The following PCDHGA12 variants were observed in gnomAD, a reference collection of about 807,000 sequenced individuals.
PCDHGA12 encodes the protein protocadherin gamma-A12.
PCDHGA12 carries 43 observed loss-of-function variants against 61.1 expected under a neutral mutation model. The observed-to-expected ratio is 0.70, with a 90% confidence interval of 0.55 to 0.91. The LOEUF (loss-of-function observed/expected upper bound fraction) is 0.91, where lower values mean the gene tolerates loss of function less well. Among genes scored for constraint, PCDHGA12 ranks in the 40% least tolerant of loss-of-function variants. The pLI, the probability that PCDHGA12 is intolerant of heterozygous loss-of-function variation, is 0.00. For synonymous variants in PCDHGA12, 520 were observed against 542.9 expected (o/e 0.96, Z 0.59); for missense variants, 1,236 against 1,227.7 (o/e 1.01, Z -0.10).
Position 141,491,307 on chromosome 5 carries a change from C to CCTTA in PCDHGA12, c.2425-3498_2425-3495dup. On this transcript the variant is annotated intron_variant, in intron 1 of 3. Transcript: ENST00000252085. The surrounding 1 kb of genome is among the most constrained non-coding windows in gnomAD (Gnocchi z 6.9). ...TCATACACCCTCCTGAGCGTTCAGA[C>CCTTA]CTTACCCTTTACCTCATTGTGGCTC... 1 of 1,614,152 alleles carries CCTTA rather than the reference C, an allele frequency of 6.2e-7. No individual in the cohort carries two copies. Among genetic ancestry groups the CCTTA allele is most frequent in the Non-Finnish European group, 8.5e-7 (1 of 1,179,986 alleles).
Position 141,505,473 on chromosome 5 carries a change from C to T in PCDHGA12, c.2564C>T (p.Ser855Phe). The change falls in exon 3 of 4, where the codon TCC (serine) becomes TTC (phenylalanine). Residue 855 changes from serine to phenylalanine, a missense_variant. Transcript: ENST00000252085. Reference sequence around the variant, plus strand: ...ATGCTGCAAGCCATGATCTTGGCGTCCGCCAGTGGTAAGTGGTGTCAGTGT... The same window carrying T: ...ATGCTGCAAGCCATGATCTTGGCGTTCGCCAGTGGTAAGTGGTGTCAGTGT... ...TEMLQAMILA[S>F]ASEAADGSST... is the part of the protein sequence containing the mutation. The T allele has an allele frequency of 6.2e-7, 1 of 1,614,188 alleles. No homozygotes were observed. Among genetic ancestry groups the T allele is most frequent in the Non-Finnish European group, 8.5e-7 (1 of 1,180,014 alleles).
chr5:141,492,026 G>A, intron 1 of PCDHGA12: 1 of 567,198 alleles, frequency 1.8e-6, no homozygotes, highest in South Asian at 2.9e-5. Flanking sequence ...GGGGTCCCGG[G>A]AGGAGGCAGT....
intron 1 of PCDHGA12, among the ~76,000 whole-genome samples, chr5:141,481,148 C>G (rs2099532606): frequency 6.6e-6 from 1 of 152,176 alleles, no homozygotes; most frequent in Non-Finnish European, 1.5e-5. Context: ...AAGTGTTATT[C>G]TGGTATTTGC....
At position 141,490,782 on chromosome 5, in the gene PCDHGA12, ACGGATCTTTGCC is replaced by A; in HGVS notation, c.2425-4023_2425-4012del. 6.2e-7 allele frequency: 1 copy of A among 1,614,054 alleles called. No individual in the cohort carries two copies. Among genetic ancestry groups the A allele is most frequent in the Non-Finnish European group, 8.5e-7 (1 of 1,179,952 alleles). ...TTGTGTATGTCAACCCAGAGGATGGACGGATCTTTGCCCAGCGTACCTTTGACTATGAATTGC... is the reference window on the plus strand; with the variant it reads ...TTGTGTATGTCAACCCAGAGGATGGACAGCGTACCTTTGACTATGAATTGC... On this transcript the variant is annotated intron_variant, in intron 1 of 3. Transcript: ENST00000252085. This position sits in a 1 kb window ranked among gnomAD's most constrained non-coding sequence, Gnocchi z 5.4.
intron 1 of PCDHGA12, among the ~76,000 whole-genome samples, chr5:141,451,062 T>C (rs1292296274): frequency 1.3e-5 from 2 of 151,500 alleles, no homozygotes; most frequent in Non-Finnish European, 2.9e-5. Flanking sequence ...ACTCCTGACC[T>C]TGTGATCCAC....
chr5:141,451,536 G>A (rs1183287437), intron 1 of PCDHGA12, among the ~76,000 whole-genome samples: 1 of 152,202 alleles, frequency 6.6e-6, no homozygotes, highest in Non-Finnish European at 1.5e-5. Context: ...GAGAGTGCCA[G>A]AGAGGGCAAA....
chr5:141,450,851 G>T (rs1184272833), intron 1 of PCDHGA12, among the ~76,000 whole-genome samples: 1 of 142,602 alleles, frequency 7.0e-6, no homozygotes, highest in Non-Finnish European at 1.5e-5. Context: ...TTGAGATGGG[G>T]TCTTGCTCTG....
Position 141,494,815 on chromosome 5 carries a change from G to C in PCDHGA12, c.2433G>C (p.Pro811=). 6.2e-7 allele frequency: 1 copy of C among 1,613,976 alleles called. No individual in the cohort carries two copies. The highest frequency in any genetic ancestry group is 8.5e-7 in the Non-Finnish European group (1 of 1,179,982). Residue 811 remains proline, a synonymous_variant, in exon 2 of 4, where the codon CCG becomes CCC. Transcript: ENST00000252085. Reference sequence around the variant, plus strand: ...CTCTGTTTTCTCCACAGCAAGCCCCGCCCAACACGGACTGGCGTTTCTCTC... The same window carrying C: ...CTCTGTTTTCTCCACAGCAAGCCCCCCCCAACACGGACTGGCGTTTCTCTC... ...KDSHGLIEQA[P]PNTDWRFSQA...
chr5:141,507,263 T>C (rs755395344), intron 3 of PCDHGA12: 1 of 152,038 alleles, frequency 6.6e-6, no homozygotes, highest in Non-Finnish European at 1.5e-5. Flanking sequence ...AAACAGCAAG[T>C]ACTATTTCAG....
intron 1 of PCDHGA12, chr5:141,478,233 TG>T (rs1467423955): frequency 3.7e-6 from 6 of 1,614,126 alleles, no homozygotes; most frequent in Non-Finnish European, 5.1e-6. Flanking sequence ...GTGGGGTTTG[TG>T]GTCACAGTGT....
chr5:141,490,476 G>A lies in PCDHGA12; in HGVS notation c.2425-4331G>A. 1 of 1,614,208 alleles carries A rather than the reference G, an allele frequency of 6.2e-7. No homozygotes were observed. The highest frequency in any genetic ancestry group is 8.5e-7 in the Non-Finnish European group (1 of 1,180,046). On this transcript the variant is annotated intron_variant, in intron 1 of 3. Transcript: ENST00000252085. The surrounding 1 kb of genome is among the most constrained non-coding windows in gnomAD (Gnocchi z 5.4). ...ACTCGCTGCTAACCAGCCAGCCTTT[G>A]GACCGGGAGGCCACATCCCACTATA...
At chr5:141,470,124 G>A (rs1038487398) in intron 1 of PCDHGA12, among the ~76,000 whole-genome samples, 4 of 151,358 alleles carry the variant, frequency 2.6e-5, no homozygotes, top group African/African-American at 9.7e-5. Flanking sequence ...GCAAGACTTC[G>A]TCTCAAAAAA....
chr5:141,485,134 C>G lies in PCDHGA12; in HGVS notation c.2425-9673C>G, dbSNP rs967744072. 1.3e-6 allele frequency: 2 copies of G among 1,495,962 alleles called. No individual in the cohort carries two copies. Among genetic ancestry groups the G allele is most frequent in the South Asian group, 2.4e-5 (2 of 84,482 alleles). 92.7% of individuals were successfully genotyped at this position (1,495,962 alleles called of 1,614,324 possible). ...CTGTTTGGGGCGGGTCGGCTTCATC[C>G]GCGTCTCAGGAGCAAGTAGAGAATT... On this transcript the variant is annotated intron_variant, in intron 1 of 3. Transcript: ENST00000252085. The surrounding 1 kb of genome is among the most constrained non-coding windows in gnomAD (Gnocchi z 5.7).
intron 2 of PCDHGA12, among the ~76,000 whole-genome samples, chr5:141,496,991 G>T (rs1164558685): frequency 6.6e-6 from 1 of 151,902 alleles, no homozygotes; most frequent in African/African-American, 2.4e-5. Context: ...TTTGAGACCA[G>T]CCTGGCAGCC....
At chr5:141,438,282 T>C (rs915347472) in intron 1 of PCDHGA12, among the ~76,000 whole-genome samples, 1 of 151,630 alleles carries the variant, frequency 6.6e-6, no homozygotes, top group African/African-American at 2.4e-5. Context: ...CAAAATAATT[T>C]AATCTGTATG....
chr5:141,492,833 C>T (rs951935267), intron 1 of PCDHGA12, among the ~76,000 whole-genome samples: 2 of 152,222 alleles, frequency 1.3e-5, no homozygotes, highest in African/African-American at 4.8e-5. Flanking sequence ...CCCTTCCTCC[C>T]GCAGGAAGTG....
intron 1 of PCDHGA12, among the ~76,000 whole-genome samples, chr5:141,458,081 G>GTTT (rs1259527184): frequency 6.6e-6 from 1 of 152,186 alleles, no homozygotes; most frequent in Non-Finnish European, 1.5e-5. Flanking sequence ...CTATATTGCC[G>GTTT]TAAGTTAAGA....
Position 141,490,102 on chromosome 5 carries a change from G to A in PCDHGA12, c.2425-4705G>A, listed in dbSNP as rs377649214. On this transcript the variant is annotated intron_variant, in intron 1 of 3. Coordinates refer to ENST00000252085, the MANE Select transcript of PCDHGA12 (RefSeq NM_003735.3). The surrounding 1 kb of genome is among the most constrained non-coding windows in gnomAD (Gnocchi z 5.4). ...TTCTTTTGGAGACCACACATCTGAG[G>A]CAGTGCGGAACCTCTTTGGCCTAGA... 4.3e-6 allele frequency: 7 copies of A among 1,614,144 alleles called. No homozygotes were observed. The African/African-American group carries it at 9.3e-5, about 22-fold the overall frequency.
In PCDHGA12 at chr5:141,485,872, G is replaced by A; in HGVS notation, c.2425-8935G>A. ...CCGCAGAGCTCCGGGTATCCGTGCT[G>A]GACGTAAACGACAACGCCCCAGCCT... On this transcript the variant is annotated intron_variant, in intron 1 of 3. Transcript: ENST00000252085. The surrounding 1 kb of genome is among the most constrained non-coding windows in gnomAD (Gnocchi z 5.7). 1 of 1,614,170 alleles carries A rather than the reference G, an allele frequency of 6.2e-7. No homozygotes were observed. The highest frequency in any genetic ancestry group is 2.2e-5 in the East Asian group (1 of 44,876).
Sources: allele counts gnomAD v4.1 joint callset (sites outside exome capture counted in the v4.1 genomes callset), GRCh38; gene constraint gnomAD v4.1.1; non-coding constraint Gnocchi (gnomAD v3.1); transcripts MANE v1.5; gene names NCBI Gene and HGNC (gene_info 2026-07-23, HGNC 2026-07-21).